The following SLC71A2 variants were observed in gnomAD, a reference collection of about 807,000 sequenced individuals.
SLC71A2 encodes the protein hippocampus abundant transcript-like 1.
the SLC71A2 span, chr9:94,429,042 T>G: frequency 5.9e-6 from 7 of 1,188,360 alleles, no homozygotes; most frequent in Non-Finnish European, 8.2e-6. Flanking sequence ...TGTACCACAG[T>G]TTGTTTGTTT....
chr9:94,442,132 G>A, the SLC71A2 span, among the ~76,000 whole-genome samples: 1 of 152,168 alleles, frequency 6.6e-6, no homozygotes, highest in Non-Finnish European at 1.5e-5. Context: ...GCTAGGTTGT[G>A]GGGAATAGGT....
At chr9:94,423,890 G>T in the SLC71A2 span, among the ~76,000 whole-genome samples, 1 of 151,930 alleles carries the variant, frequency 6.6e-6, no homozygotes, top group Non-Finnish European at 1.5e-5. Context: ...TTATGTAGTT[G>T]AATTTATTTT....
At chr9:94,453,638 C>T in the SLC71A2 span, among the ~76,000 whole-genome samples, 1 of 152,182 alleles carries the variant, frequency 6.6e-6, no homozygotes, top group African/African-American at 2.4e-5. Flanking sequence ...TAGTATTTCT[C>T]CAGAGACTGA....
the SLC71A2 span, among the ~76,000 whole-genome samples, chr9:94,406,821 G>A: frequency 6.6e-6 from 1 of 151,952 alleles, no homozygotes; most frequent in Non-Finnish European, 1.5e-5. Context: ...AATTTTTAGG[G>A]TCTTATGAGA....
the SLC71A2 span, among the ~76,000 whole-genome samples, chr9:94,435,082 T>A: frequency 2.6e-5 from 4 of 152,220 alleles, no homozygotes; most frequent in African/African-American, 7.2e-5. Context: ...TCATCTTTCT[T>A]GGCTTAAATT....
the SLC71A2 span, among the ~76,000 whole-genome samples, chr9:94,383,284 T>A: frequency 6.7e-6 from 1 of 149,286 alleles, no homozygotes; most frequent in Admixed American, 6.8e-5. Context: ...TGCCTCAGCC[T>A]CCTGAGTAGC....
chr9:94,378,157 G>T, the SLC71A2 span, among the ~76,000 whole-genome samples: 2 of 151,304 alleles, frequency 1.3e-5, no homozygotes, highest in Non-Finnish European at 2.9e-5. Flanking sequence ...TATGTTAGCT[G>T]TTTGCGTTGC....
At chr9:94,380,394 A>G in the SLC71A2 span, among the ~76,000 whole-genome samples, 8 of 143,434 alleles carry the variant, frequency 5.6e-5, no homozygotes, top group Admixed American at 1.4e-4. Context: ...TAGATATGCT[A>G]TGGAGAAAGA....
the SLC71A2 span, among the ~76,000 whole-genome samples, chr9:94,400,242 G>A: frequency 6.6e-6 from 1 of 152,106 alleles, no homozygotes; most frequent in Non-Finnish European, 1.5e-5. Context: ...CTATGTGTGA[G>A]GAAAACAGCA....
the SLC71A2 span, among the ~76,000 whole-genome samples, chr9:94,383,086 A>T: frequency 6.7e-6 from 1 of 149,444 alleles, no homozygotes; most frequent in African/African-American, 2.5e-5. Flanking sequence ...CAAAATAAGG[A>T]TGGAAATTAT....
the SLC71A2 span, chr9:94,429,098 C>T: frequency 2.6e-6 from 4 of 1,534,350 alleles, no homozygotes; most frequent in Non-Finnish European, 3.5e-6. Context: ...CATTGCAGGG[C>T]TCATTTATGT....
chr9:94,458,410 T>C, the SLC71A2 span: 28 of 1,613,998 alleles, frequency 1.7e-5, no homozygotes, highest in Non-Finnish European at 2.2e-5. Context: ...ACATGTTCCA[T>C]GTGGAACTGA....
At chr9:94,447,479 CTGTT>C in the SLC71A2 span, among the ~76,000 whole-genome samples, 7 of 131,568 alleles carry the variant, frequency 5.3e-5, no homozygotes, top group Admixed American at 8.0e-5. Context: ...TGTGCCCAGC[CTGTT>C]TTTTTTTTTT....
chr9:94,418,734 C>T, the SLC71A2 span, among the ~76,000 whole-genome samples: 1 of 151,696 alleles, frequency 6.6e-6, no homozygotes, highest in Non-Finnish European at 1.5e-5. Flanking sequence ...GCCACCACAC[C>T]TGGCCCATAC....
the SLC71A2 span, among the ~76,000 whole-genome samples, chr9:94,382,215 T>TG: frequency 1.3e-5 from 2 of 151,970 alleles, no homozygotes; most frequent in African/African-American, 4.8e-5. Context: ...TTTATAGAGA[T>TG]GGGGTCTTAC....
At chr9:94,404,556 A>T in the SLC71A2 span, among the ~76,000 whole-genome samples, 1 of 152,144 alleles carries the variant, frequency 6.6e-6, no homozygotes, top group Non-Finnish European at 1.5e-5. Flanking sequence ...TCAGCCTCCC[A>T]AAGTGCTGGG....
the SLC71A2 span, among the ~76,000 whole-genome samples, chr9:94,434,274 C>A: frequency 6.6e-6 from 1 of 152,104 alleles, no homozygotes; most frequent in Non-Finnish European, 1.5e-5. Context: ...ACAATATAAT[C>A]CTACCAGTGG....
chr9:94,445,580 GTTTAA>G, the SLC71A2 span, among the ~76,000 whole-genome samples: 8 of 152,140 alleles, frequency 5.3e-5, no homozygotes, highest in African/African-American at 9.7e-5. Flanking sequence ...GACCAGAGAC[GTTTAA>G]TTTGTTTGTT....
At chr9:94,441,082 A>C in the SLC71A2 span, 4 of 1,598,552 alleles carry the variant, frequency 2.5e-6, no homozygotes, top group Non-Finnish European at 3.4e-6. Flanking sequence ...GCACGAGCGA[A>C]GTACAGCTTA....
Sources: allele counts gnomAD v4.1 joint callset (sites outside exome capture counted in the v4.1 genomes callset), GRCh38; gene constraint gnomAD v4.1.1; transcripts MANE v1.5; gene names NCBI Gene and HGNC (gene_info 2026-07-23, HGNC 2026-07-21).